Variants in DSCAM observed in about 807,000 individuals in gnomAD.
DSCAM encodes DS cell adhesion molecule.
Under a neutral mutation model 217.7 loss-of-function variants are expected in DSCAM, and 47 were observed. The observed-to-expected ratio is 0.22, with a 90% CI of 0.17 to 0.28. The LOEUF (loss-of-function observed/expected upper bound fraction) is 0.28, where lower values mean the gene tolerates loss of function less well. DSCAM is among the 10% of genes least tolerant of loss of function. DSCAM has a pLI of 1.00. For missense variants in DSCAM, 2,080 were observed against 2,618.3 expected (o/e 0.79, Z 4.49); for synonymous variants, 1,056 against 1,015.3 (o/e 1.04, Z -0.76).
At chr21:40,810,436 G>C (rs1188090156) in intron 1 of DSCAM, among the ~76,000 whole-genome samples, 1 of 152,254 alleles carries the variant, frequency 6.6e-6, no homozygotes, top group African/African-American at 2.4e-5. Context: ...TCCCGAGTCT[G>C]TTCCTGGTGG....
intron 3 of DSCAM, among the ~76,000 whole-genome samples, chr21:40,617,280 C>T (rs976569043): frequency 2.8e-4 from 43 of 151,504 alleles, no homozygotes; most frequent in Non-Finnish European, 3.4e-4. Context: ...CCCGCCACCA[C>T]GCTCGGCTAA....
chr21:40,769,300 GTTTCAT>G (rs1160426417), intron 1 of DSCAM, among the ~76,000 whole-genome samples: 1 of 152,198 alleles, frequency 6.6e-6, no homozygotes, highest in Admixed American at 6.5e-5. Context: ...AAATTCTCAG[GTTTCAT>G]TTTCCATTTA....
chr21:40,587,343 T>C (rs759722485), intron 3 of DSCAM, among the ~76,000 whole-genome samples: 2 of 152,166 alleles, frequency 1.3e-5, no homozygotes, highest in Non-Finnish European at 2.9e-5. Context: ...CCCAATACAA[T>C]GCTAATCCAC....
chr21:40,502,289 G>C (rs964444461), intron 3 of DSCAM, among the ~76,000 whole-genome samples: 1 of 152,072 alleles, frequency 6.6e-6, no homozygotes, highest in Non-Finnish European at 1.5e-5. Flanking sequence ...CACAAATCTA[G>C]TGTGTCATTT....
intron 3 of DSCAM, among the ~76,000 whole-genome samples, chr21:40,655,830 G>A (rs753528717): frequency 6.6e-6 from 1 of 152,088 alleles, no homozygotes; most frequent in African/African-American, 2.4e-5. Flanking sequence ...AAGGTGAGGG[G>A]ATCGCTTGAG....
intron 3 of DSCAM, among the ~76,000 whole-genome samples, chr21:40,519,980 T>C (rs2076346036): frequency 1.3e-5 from 2 of 152,134 alleles, no homozygotes; most frequent in South Asian, 4.1e-4. Context: ...TTCCTTCTTA[T>C]AACATTCTAG....
chr21:40,813,875 G>A (rs949610593), intron 1 of DSCAM, among the ~76,000 whole-genome samples: 2 of 151,996 alleles, frequency 1.3e-5, no homozygotes, highest in Non-Finnish European at 2.9e-5. Context: ...TTGAACTCCT[G>A]ACCTAGTGAT....
At chr21:40,709,069 C>T (rs2090748991) in intron 1 of DSCAM, among the ~76,000 whole-genome samples, 1 of 152,138 alleles carries the variant, frequency 6.6e-6, no homozygotes, top group African/African-American at 2.4e-5. Flanking sequence ...CCACACTGAC[C>T]ACCATTGGAC....
At chr21:40,645,007 T>C (rs1241900059) in intron 3 of DSCAM, among the ~76,000 whole-genome samples, 1 of 152,150 alleles carries the variant, frequency 6.6e-6, no homozygotes, top group Non-Finnish European at 1.5e-5. Context: ...AAAAAAACAC[T>C]TCATTTTATT....
At chr21:40,318,900 A>G (rs551346348) in intron 8 of DSCAM, among the ~76,000 whole-genome samples, 112 of 152,234 alleles carry the variant, frequency 7.4e-4, no homozygotes, top group Non-Finnish European at 9.1e-4. Flanking sequence ...AAAAGGCAAG[A>G]GTGAGCCAGT....
chr21:40,496,389 G>T (rs552593264), intron 3 of DSCAM, among the ~76,000 whole-genome samples: 39 of 152,228 alleles, frequency 2.6e-4, no homozygotes, highest in Non-Finnish European at 5.0e-4. Flanking sequence ...ACAGTCAATA[G>T]ATTTTCAACA....
intron 1 of DSCAM, among the ~76,000 whole-genome samples, chr21:40,836,588 C>T (rs2092058503): frequency 6.6e-6 from 1 of 152,182 alleles, no homozygotes; most frequent in Admixed American, 6.5e-5. Flanking sequence ...CAGAGTTCTC[C>T]AACAGTTCAT....
At chr21:40,818,539 C>A (rs2091901818) in intron 1 of DSCAM, among the ~76,000 whole-genome samples, 1 of 113,312 alleles carries the variant, frequency 8.8e-6, no homozygotes, top group Non-Finnish European at 1.7e-5. Context: ...CAGCCAGACT[C>A]CGTCTCACAA....
At chr21:40,655,599 T>G (rs532656106) in intron 3 of DSCAM, among the ~76,000 whole-genome samples, 1 of 152,122 alleles carries the variant, frequency 6.6e-6, no homozygotes, top group South Asian at 2.1e-4. Context: ...TGCACCACCA[T>G]GTCTGGCTAA....
chr21:40,053,980 G>C (rs2088974590), intron 29 of DSCAM, among the ~76,000 whole-genome samples: 1 of 152,164 alleles, frequency 6.6e-6, no homozygotes, highest in South Asian at 2.1e-4. Flanking sequence ...CTGTGTCTCA[G>C]TTACAAAAGA....
rs547917500 is a variant in DSCAM, at chr21:40,845,801, T to C, written c.43+818A>G. ...TTCCCACAAGAGAGGAAGCCATTCA[T>C]ACATGTAAGTTCATATTTATGCGGT... is the stretch of plus-strand genomic sequence containing the variant. On this transcript the variant is annotated intron_variant, in intron 1 of 32. Transcript: ENST00000400454. Among the ~76,000 whole-genome samples, 27 of 152,320 alleles carry C rather than the reference T, an allele frequency of 1.8e-4. No individual in the cohort carries two copies. In the East Asian group the frequency reaches 3.5e-3, roughly 20 times the overall value.
At chr21:40,063,135 C>A (rs2089148822) in intron 27 of DSCAM, among the ~76,000 whole-genome samples, 1 of 152,146 alleles carries the variant, frequency 6.6e-6, no homozygotes, top group African/African-American at 2.4e-5. Flanking sequence ...ATGATTATAA[C>A]ATTCTCAGAC....
chr21:40,539,852 G>C (rs1310342481), intron 3 of DSCAM, among the ~76,000 whole-genome samples: 1 of 152,146 alleles, frequency 6.6e-6, no homozygotes, highest in Non-Finnish European at 1.5e-5. Context: ...TTCCTGGTGT[G>C]TCTCGTTTTA....
chr21:40,548,290 A>ACCG (rs917104645), intron 3 of DSCAM, among the ~76,000 whole-genome samples: 7 of 152,010 alleles, frequency 4.6e-5, no homozygotes, highest in African/African-American at 1.4e-4. Context: ...GAGTTTAATT[A>ACCG]CCGCCCTCCC....
Sources: allele counts gnomAD v4.1 joint callset (sites outside exome capture counted in the v4.1 genomes callset), GRCh38; gene constraint gnomAD v4.1.1; transcripts MANE v1.5; gene names NCBI Gene and HGNC (gene_info 2026-07-23, HGNC 2026-07-21).